Variants in PEX10 observed in about 807,000 individuals in gnomAD.
The protein encoded by PEX10 is peroxisomal biogenesis factor 10.
PEX10 carries 32 observed loss-of-function variants against 38.0 expected under a neutral mutation model. That is an observed-to-expected ratio of 0.84 (90% confidence interval 0.63 to 1.13). PEX10 has a LOEUF of 1.13. PEX10 is among the 50% of genes most tolerant of loss of function. The pLI is 0.00. For synonymous variants in PEX10, 206 were observed against 207.3 expected, an observed-to-expected ratio of 0.99 and a Z score of 0.05; for missense variants, 483 against 457.7, an observed-to-expected ratio of 1.06 and a Z score of -0.51.
chr1:2,411,653 C>T (rs529051574), intron 1 of PEX10, among the ~76,000 whole-genome samples: 2 of 152,286 alleles, frequency 1.3e-5, no homozygotes, highest in South Asian at 4.1e-4. Flanking sequence ...ATTCTCTTGC[C>T]TCAGCCTCCT....
In PEX10 at chr1:2,412,524, C is replaced by G. The variant is rs768005610; in HGVS notation, c.-22G>C. 4.8e-5 allele frequency: 63 copies of G among 1,325,670 alleles called. No individual in the cohort carries two copies. Among genetic ancestry groups the G allele is most frequent in the South Asian group, 1.6e-4 (8 of 51,358 alleles). The allele number at this position is 1,325,670 out of a possible 1,614,324, so 82.1% of individuals were successfully genotyped here. On this transcript the variant is annotated 5_prime_UTR_variant, in exon 1 of 6. Transcript: ENST00000447513. ...CCATGGCCGCGGGTTCGGGTGGTCC[C>G]GAGCAGCCACGCCGGCCACGCCCAC...
chr1:2,407,884 C>A (rs1033151113), intron 3 of PEX10, among the ~76,000 whole-genome samples: 1 of 152,000 alleles, frequency 6.6e-6, no homozygotes, highest in Non-Finnish European at 1.5e-5. Flanking sequence ...GGTGGTGGGA[C>A]CACGGGGGAG....
At chr1:2,411,679 C>T (rs1189295512) in intron 1 of PEX10, among the ~76,000 whole-genome samples, 1 of 152,076 alleles carries the variant, frequency 6.6e-6, no homozygotes, top group East Asian at 1.9e-4. Flanking sequence ...GCTGGGATTA[C>T]AGACGCCGCC....
chr1:2,407,096 C>A, intron 3 of PEX10: 1 of 722,288 alleles, frequency 1.4e-6, no homozygotes, highest in Non-Finnish European at 2.5e-6. Flanking sequence ...CCTAGCATGA[C>A]GGAGAGGCCT....
intron 4 of PEX10, 41 bp downstream of exon 4, chr1:2,406,679 C>A: frequency 2.5e-6 from 4 of 1,610,870 alleles, no homozygotes; most frequent in Middle Eastern, 1.7e-4. Context: ...TGTGAAGTGC[C>A]CAGGACACCC....
At position 2,406,712 on chromosome 1, in the gene PEX10, G is replaced by A. The variant is rs370594705; in HGVS notation, c.776+8C>T. 3.0e-4 allele frequency: 480 copies of A among 1,608,024 alleles called. 1 individual carries two copies. The highest frequency in any genetic ancestry group is 3.8e-4 in the Non-Finnish European group (449 of 1,177,890). ...CCCCCAGCCCCCATGTGTGGCCCCC[G>A]CACGCACCTGCGGTGAGACAGGCCG... On this transcript the variant is annotated splice_region_variant and intron_variant, in intron 4 of 5. Coordinates refer to ENST00000447513, the MANE Select transcript of PEX10 (RefSeq NM_002617.4).
chr1:2,408,383 A>G (rs1643076588), intron 3 of PEX10, 69 bp downstream of exon 3: 14 of 1,553,716 alleles, frequency 9.0e-6, no homozygotes, highest in Non-Finnish European at 1.2e-5. Context: ...AGCTCTGTGC[A>G]TGCACCCAAG....
chr1:2,408,903 C>T (rs1557910826), intron 2 of PEX10, 45 bp from the exon 3 acceptor site: 8 of 1,596,768 alleles, frequency 5.0e-6, no homozygotes, highest in Non-Finnish European at 6.9e-6. Context: ...ACTGCTGCCG[C>T]GGGGACAGGC....
Position 2,408,541 on chromosome 1 carries a change from G to C in PEX10, c.511C>G (p.Leu171Val), listed in dbSNP as rs760162500. Residue 171 changes from leucine (L) to valine (V), a missense_variant, in exon 3 of 6, where the codon CTC becomes GTC. By Grantham distance (32) the Leu-to-Val change is conservative. Transcript: ENST00000447513. ...ACATGTAGCCGCTGGAGGCAGGCGAGGCCCTGTCTGAGGACGAAGACCGCC... is the reference window on the plus strand; with the variant it reads ...ACATGTAGCCGCTGGAGGCAGGCGACGCCCTGTCTGAGGACGAAGACCGCC... Reference protein sequence around the residue: ...LRAVFVLRQGLACLQRLHVAW... With the variant: ...LRAVFVLRQGVACLQRLHVAW... The C allele has an allele frequency of 5.0e-6, 8 of 1,612,576 alleles. No homozygotes were observed. Among genetic ancestry groups the C allele is most frequent in the Non-Finnish European group, 5.9e-6 (7 of 1,179,998 alleles).
intron 1 of PEX10, among the ~76,000 whole-genome samples, 169 bp downstream of exon 1, chr1:2,412,222 G>C (rs1309930880): frequency 1.3e-5 from 2 of 152,248 alleles, no homozygotes; most frequent in African/African-American, 2.4e-5. Context: ...GGCAGGAGGT[G>C]CCCCGCACAT....
rs1642968107 is a variant in PEX10 at position 2,405,465 on chromosome 1, T to G, written c.*301A>C. 1 of 532,278 alleles carries G rather than the reference T, an allele frequency of 1.9e-6. No individual in the cohort carries two copies. The allele number at this position is 532,278 out of a possible 1,614,324, so 33.0% of individuals were successfully genotyped here. On this transcript the variant is annotated 3_prime_UTR_variant, in exon 6 of 6. Transcript: ENST00000447513. ...CTGAATTACTTCTCAACTGTATGGTTTGGGGAAGGGAGGGAAACCTAAAAT... is the reference window on the plus strand; with the variant it reads ...CTGAATTACTTCTCAACTGTATGGTGTGGGGAAGGGAGGGAAACCTAAAAT...
chr1:2,412,156 C>G (rs1488816700), intron 1 of PEX10, among the ~76,000 whole-genome samples: 1 of 152,240 alleles, frequency 6.6e-6, no homozygotes, highest in Non-Finnish European at 1.5e-5. Flanking sequence ...TGGAGGCCCA[C>G]GCAGGTCCCC....
chr1:2,408,040 G>A (rs574904063), intron 3 of PEX10, among the ~76,000 whole-genome samples: 1 of 152,032 alleles, frequency 6.6e-6, no homozygotes, highest in Non-Finnish European at 1.5e-5. Context: ...TGAGGGGCTG[G>A]GGCCGGGGCT....
In PEX10 at chr1:2,405,817, G is replaced by A. The variant is rs1642979656; in HGVS notation, c.930C>T (p.Cys310=). 6.3e-7 allele frequency: 1 copy of A among 1,599,090 alleles called. No individual in the cohort carries two copies. Residue 310 remains cysteine, a synonymous_variant, in exon 6 of 6, where the codon TGC becomes TGT. Coordinates refer to ENST00000447513, the MANE Select transcript of PEX10 (RefSeq NM_002617.4). The stretch of plus-strand genomic sequence containing the variant: ...GCTTCTGGGGAGGGAACTTCTCCCG[G>A]CAGAGGGGACACTCCGCCTGCGGAG... ...WCSSKAECPL[C]REKFPPQKLI...
intron 1 of PEX10, 78 bp downstream of exon 1, chr1:2,412,313 C>T: frequency 7.8e-7 from 1 of 1,283,942 alleles, no homozygotes; most frequent in Non-Finnish European, 9.9e-7. Flanking sequence ...TGACCACACA[C>T]GGCAGACACC....
rs1483110160 is a variant in PEX10, at chr1:2,405,148, G to C, written c.*618C>G. 2 of 174,892 alleles carry C rather than the reference G, an allele frequency of 1.1e-5. No individual in the cohort carries two copies. Among genetic ancestry groups the C allele is most frequent in the East Asian group, 1.5e-4 (1 of 6,566 alleles). The allele number at this position is 174,892 out of a possible 1,614,324, so 10.8% of individuals were successfully genotyped here. Reference sequence around the variant, plus strand: ...GAAGCGACCTTGACGTGTATTGAAGGTGTGTGTGCCAAATGCTTCCGACGG... The same window carrying C: ...GAAGCGACCTTGACGTGTATTGAAGCTGTGTGTGCCAAATGCTTCCGACGG... On this transcript the variant is annotated 3_prime_UTR_variant, in exon 6 of 6. Transcript: ENST00000447513.
Position 2,406,811 on chromosome 1 carries a change from C to G in PEX10, c.685G>C (p.Val229Leu), listed in dbSNP as rs139345520. The change falls in exon 4 of 6, where the codon GTG becomes CTG. Residue 229 changes from valine to leucine, a missense_variant. Coordinates refer to ENST00000447513, the MANE Select transcript of PEX10 (RefSeq NM_002617.4). ...TACAGCTGCAGCCCCATGGACAGCACCAGGTGCAGCAGTGAGATGACCCCC... is the reference window on the plus strand; with the variant it reads ...TACAGCTGCAGCCCCATGGACAGCAGCAGGTGCAGCAGTGAGATGACCCCC... ...LLGVISLLHL[V>L]LSMGLQLYGF... The G allele has an allele frequency of 1.1e-3, 1,831 of 1,610,988 alleles. 15 individuals are homozygous for G. In the African/African-American group the frequency reaches 0.022, roughly 19 times the overall value.
chr1:2,405,679 G>T lies in PEX10; in HGVS notation c.*87C>A. ...AAAAACTGAGAGTGTTCTAACTTCT[G>T]TGCAAGCAAGGTTAATCCTGAGACT... On this transcript the variant is annotated 3_prime_UTR_variant, in exon 6 of 6. Transcript: ENST00000447513. The T allele has an allele frequency of 8.4e-7, 1 of 1,196,596 alleles. No individual in the cohort carries two copies. The highest frequency in any genetic ancestry group is 1.2e-6 in the Non-Finnish European group (1 of 826,318). The allele number at this position is 1,196,596 out of a possible 1,614,324, so 74.1% of individuals were successfully genotyped here.
rs1385865459 is a variant in PEX10 at position 2,410,047 on chromosome 1, G to A, written c.193+324C>T. On this transcript the variant is annotated intron_variant, in intron 2 of 5. Transcript: ENST00000447513. This position sits in a 1 kb window ranked among gnomAD's most constrained non-coding sequence, Gnocchi z 5.1. ...CTGCTCCACCAGGGCACTGTCACAC[G>A]GGCACTGCACCCTATGACATGGCTC... is the stretch of plus-strand genomic sequence containing the variant. 7 of 372,614 alleles carry A rather than the reference G, an allele frequency of 1.9e-5. No homozygotes were observed. The East Asian group carries it at 3.9e-4, about 21-fold the overall frequency. The allele number at this position is 372,614 out of a possible 1,614,324, so 23.1% of individuals were successfully genotyped here. A position where few individuals can be genotyped will look rare whatever the true frequency, so the allele number is the denominator to read the frequency against.
Sources: allele counts gnomAD v4.1 joint callset (sites outside exome capture counted in the v4.1 genomes callset), GRCh38; gene constraint gnomAD v4.1.1; non-coding constraint Gnocchi (gnomAD v3.1); transcripts MANE v1.5; gene names NCBI Gene and HGNC (gene_info 2026-07-23, HGNC 2026-07-21).